PRKAG2: variants seen among roughly 807,000 people sequenced by gnomAD.
PRKAG2 encodes the protein protein kinase AMP-activated non-catalytic subunit gamma 2.
PRKAG2 carries 26 observed loss-of-function variants against 69.6 expected under a neutral mutation model. That is an observed-to-expected ratio of 0.37 (90% CI 0.27 to 0.52). The LOEUF (loss-of-function observed/expected upper bound fraction) is 0.52, where lower values mean the gene tolerates loss of function less well. Among genes scored for constraint, PRKAG2 ranks in the 20% least tolerant of loss-of-function variants. The pLI, the probability that PRKAG2 is intolerant of heterozygous loss-of-function variation, is 0.90. For synonymous variants in PRKAG2, 293 were observed against 285.0 expected, an observed-to-expected ratio of 1.03 and a Z score of -0.28; for missense variants, 557 against 740.0, an observed-to-expected ratio of 0.75 and a Z score of 2.87.
At chr7:151,669,113 T>C (rs1831448755) in intron 4 of PRKAG2, among the ~76,000 whole-genome samples, 1 of 152,090 alleles carries the variant, frequency 6.6e-6, no homozygotes, top group African/African-American at 2.4e-5. Flanking sequence ...GACACTTTCT[T>C]TTCTCTCCAA....
intron 3 of PRKAG2, among the ~76,000 whole-genome samples, chr7:151,697,742 C>A (rs1440748393): frequency 6.6e-6 from 1 of 152,040 alleles, no homozygotes; most frequent in Admixed American, 6.5e-5. Flanking sequence ...AGGGAGGAGG[C>A]AGGTGCCGGG....
chr7:151,721,585 C>T (rs1258967532), intron 3 of PRKAG2, among the ~76,000 whole-genome samples: 3 of 152,162 alleles, frequency 2.0e-5, no homozygotes, highest in Admixed American at 6.5e-5. Context: ...CAGGCCTGCC[C>T]GTGACAGTGG....
At chr7:151,671,848 A>G (rs544272102) in intron 4 of PRKAG2, among the ~76,000 whole-genome samples, 29 of 152,356 alleles carry the variant, frequency 1.9e-4, no homozygotes, top group African/African-American at 6.0e-4. Context: ...CAGGTAACCA[A>G]TGGGGACATT....
chr7:151,672,323 G>A (rs1042320079), intron 4 of PRKAG2, among the ~76,000 whole-genome samples: 6 of 150,708 alleles, frequency 4.0e-5, no homozygotes, highest in African/African-American at 7.3e-5. Flanking sequence ...GGATGGTCTC[G>A]ATCTCTCGTG....
Position 151,780,068 on chromosome 7 carries a change from T to G in PRKAG2, c.466+1084A>C, listed in dbSNP as rs115263142. Among the ~76,000 whole-genome samples the G allele has an allele frequency of 8.3e-3, 1,271 of 152,316 alleles. 11 individuals are homozygous for G. The highest frequency in any genetic ancestry group is 0.029 in the African/African-American group (1,208 of 41,564). The stretch of plus-strand genomic sequence containing the variant: ...ACCCACAGGCGGGAGCACCTTCATT[T>G]GTTTTATGTAGAAAGACGAAGTGCA... On this transcript the variant is annotated intron_variant, in intron 3 of 15. Transcript: ENST00000287878. The surrounding 1 kb of genome is among the most constrained non-coding windows in gnomAD (Gnocchi z 4.2).
chr7:151,862,007 C>T (rs911900094), intron 1 of PRKAG2, among the ~76,000 whole-genome samples: 3 of 151,814 alleles, frequency 2.0e-5, no homozygotes, highest in African/African-American at 7.3e-5. Context: ...ATGCCCGTCC[C>T]CTCAGTGGAC....
Position 151,695,768 on chromosome 7 carries a change from T to C in PRKAG2, c.467-20131A>G, listed in dbSNP as rs143259477. Among the ~76,000 whole-genome samples the C allele has an allele frequency of 7.5e-3, 1,141 of 152,188 alleles. 5 individuals are homozygous for C. Among genetic ancestry groups the C allele is most frequent in the East Asian group, 0.018 (95 of 5,160 alleles). On this transcript the variant is annotated intron_variant, in intron 3 of 15. Transcript: ENST00000287878. ...GTGTGCTTAAAGCCGGCTCTCTTCT[T>C]TGTGGTCTGAGCAGAAGCTGTAAGG...
intron 1 of PRKAG2, among the ~76,000 whole-genome samples, chr7:151,863,858 C>T (rs967171084): frequency 2.0e-5 from 3 of 150,862 alleles, no homozygotes; most frequent in Non-Finnish European, 2.9e-5. Flanking sequence ...CAGCAGTGTT[C>T]GCACCACCGC....
At chr7:151,758,890 G>C (rs934740998) in intron 3 of PRKAG2, among the ~76,000 whole-genome samples, 1 of 152,208 alleles carries the variant, frequency 6.6e-6, no homozygotes, top group Non-Finnish European at 1.5e-5. Context: ...GGCAAGACTT[G>C]AAGGAGGTCT....
intron 1 of PRKAG2, among the ~76,000 whole-genome samples, chr7:151,821,065 G>GTCCC (rs2078767437): frequency 6.3e-5 from 3 of 47,538 alleles, no homozygotes; most frequent in Non-Finnish European, 8.6e-5. Context: ...TGTGGAGACA[G>GTCCC]GGAACAAGCA....
At chr7:151,684,811 C>T (rs927872162) in intron 3 of PRKAG2, among the ~76,000 whole-genome samples, 32 of 152,282 alleles carry the variant, frequency 2.1e-4, no homozygotes, top group African/African-American at 7.2e-4. Flanking sequence ...TGGCCATAGC[C>T]ATCCCAGTGC....
rs1177855060 is a variant in PRKAG2, at chr7:151,568,752, A to G, written c.1197T>C (p.Leu399=). ...GGAACTTGAGGATTCTTTTGTGGGT[A>G]AGTATATAAAGTGCATTCCCACTGA... ...DPISGNALYI[L]THKRILKFLQ... Residue 399 remains leucine (L), a synonymous_variant, in exon 11 of 16, where the codon CTT becomes CTC. Transcript: ENST00000287878. The G allele has an allele frequency of 1.2e-6, 2 of 1,613,872 alleles. No individual in the cohort carries two copies. The highest frequency in any genetic ancestry group is 1.3e-5 in the African/African-American group (1 of 74,944).
At chr7:151,804,476 T>A (rs898559725) in intron 1 of PRKAG2, among the ~76,000 whole-genome samples, 1 of 152,122 alleles carries the variant, frequency 6.6e-6, no homozygotes, top group Non-Finnish European at 1.5e-5. Context: ...ACCACCCCCA[T>A]GATTGAATTA....
At chr7:151,710,323 G>A (rs546286750) in intron 3 of PRKAG2, among the ~76,000 whole-genome samples, 6 of 152,110 alleles carry the variant, frequency 3.9e-5, no homozygotes, top group African/African-American at 7.2e-5. Flanking sequence ...CCCAGCTGCC[G>A]AGGCTTCGCT....
rs917246513 is a variant in PRKAG2, at chr7:151,638,357, C to T, written c.685-6219G>A. Among the ~76,000 whole-genome samples, 5 of 151,958 alleles carry T rather than the reference C, an allele frequency of 3.3e-5. No individual in the cohort carries two copies. The highest frequency in any genetic ancestry group is 1.2e-4 in the African/African-American group (5 of 41,410). ...GGTAAAAAATGCTAAATTATTATCC[C>T]GGCATGGTGGCTCATGCCTGTAATC... On this transcript the variant is annotated intron_variant, in intron 4 of 15. Coordinates refer to ENST00000287878, the MANE Select transcript of PRKAG2 (RefSeq NM_016203.4). The surrounding 1 kb of genome is among the most constrained non-coding windows in gnomAD (Gnocchi z 4.3).
intron 1 of PRKAG2, among the ~76,000 whole-genome samples, chr7:151,789,539 G>A (rs1350003678): frequency 6.6e-6 from 1 of 151,840 alleles, no homozygotes; most frequent in African/African-American, 2.4e-5. Context: ...CTGAAAGGGT[G>A]AGCCTCATCA....
intron 4 of PRKAG2, among the ~76,000 whole-genome samples, chr7:151,659,302 G>C (rs1234622141): frequency 6.6e-6 from 1 of 152,080 alleles, no homozygotes; most frequent in Non-Finnish European, 1.5e-5. Context: ...TTTGCCTCCT[G>C]CTTCTGTTTC....
intron 4 of PRKAG2, among the ~76,000 whole-genome samples, chr7:151,642,099 G>T (rs1826816845): frequency 6.6e-6 from 1 of 151,150 alleles, no homozygotes; most frequent in South Asian, 2.1e-4. Context: ...ACTTTGGGAG[G>T]CCGAGGCGGG....
intron 4 of PRKAG2, among the ~76,000 whole-genome samples, chr7:151,650,547 G>C (rs1192095795): frequency 6.6e-6 from 1 of 152,164 alleles, no homozygotes. Context: ...TATACTAGCA[G>C]TTTGAAAACT....
Sources: gnomAD v4.1 joint callset for allele counts (sites outside exome capture counted in the v4.1 genomes callset) on GRCh38, gnomAD v4.1.1 for gene constraint, Gnocchi (gnomAD v3.1) non-coding constraint, MANE v1.5 for transcripts, NCBI Gene and HGNC (gene_info 2026-07-23, HGNC 2026-07-21) for gene names.